The following ACO1 variants were observed in gnomAD, a reference collection of about 807,000 sequenced individuals.
ACO1 encodes aconitase 1.
ACO1 carries 78 observed loss-of-function variants against 105.1 expected under a neutral mutation model. The observed-to-expected ratio is 0.74, with a 90% CI of 0.62 to 0.90. The LOEUF is 0.90. Ranked by LOEUF, ACO1 falls within the 40% of genes least tolerant of loss-of-function variation. The probability of loss-of-function intolerance (pLI) is 0.00; values close to 1 mark genes in which losing one functional copy is unlikely to be tolerated. For synonymous variants in ACO1, 364 were observed against 397.4 expected (o/e 0.92, Z 1.00); for missense variants, 965 against 1,111.1 (o/e 0.87, Z 1.87).
intron 4 of ACO1, among the ~76,000 whole-genome samples, chr9:32,410,020 A>G (rs1821702102): frequency 6.6e-6 from 1 of 152,174 alleles, no homozygotes. Flanking sequence ...TGAGGTTAGG[A>G]GCCAAGTAGT....
Position 32,430,453 on chromosome 9 carries a change from C to T in ACO1, c.1605C>T (p.Asn535=). The change falls in exon 14 of 21, where the codon AAC becomes AAT. Residue 535 remains asparagine (N), a synonymous_variant. Coordinates refer to ENST00000309951, the MANE Select transcript of ACO1 (RefSeq NM_002197.3). The part of the protein sequence containing the change: ...DLVAVGVLSG[N]RNFEGRVHPN... ...TAGCTGTTGGAGTACTATCTGGAAA[C>T]AGGAATTTTGAAGGTCGAGTTCACC... is the stretch of plus-strand genomic sequence containing the variant. 6 of 1,612,152 alleles carry T rather than the reference C, an allele frequency of 3.7e-6. No individual in the cohort carries two copies. Among genetic ancestry groups the T allele is most frequent in the Non-Finnish European group, 5.1e-6 (6 of 1,179,338 alleles).
chr9:32,440,375 C>A, intron 18 of ACO1, 90 bp from the exon 19 acceptor site: 1 of 1,511,612 alleles, frequency 6.6e-7, no homozygotes, highest in Non-Finnish European at 9.0e-7. Context: ...TCTGCAAACC[C>A]ATCCAGCCCC....
intron 1 of ACO1, among the ~76,000 whole-genome samples, chr9:32,393,165 G>T (rs187306993): frequency 2.6e-5 from 4 of 152,112 alleles, no homozygotes; most frequent in African/African-American, 7.2e-5. Context: ...CCGGTGAGCC[G>T]GGGGGGAAAC....
chr9:32,445,047 G>C (rs180931791), intron 19 of ACO1, among the ~76,000 whole-genome samples: 1 of 152,208 alleles, frequency 6.6e-6, no homozygotes, highest in Non-Finnish European at 1.5e-5. Flanking sequence ...TTGCATCGAT[G>C]TTCATCAGGG....
rs1822743759 is a variant in ACO1 at position 32,450,631 on chromosome 9, T to G, written c.*520T>G. ...GATTCTCTCTTCTCTCCCCTTTTCC[T>G]TCAGAGTGAATCATCCAGACTCCTC... On this transcript the variant is annotated 3_prime_UTR_variant, in exon 21 of 21. Transcript: ENST00000309951. 6.1e-6 allele frequency: 1 copy of G among 162,698 alleles called. No homozygotes were observed. The highest frequency in any genetic ancestry group is 6.2e-5 in the Admixed American group (1 of 16,222). The allele number at this position is 162,698 out of a possible 1,614,324, so 10.1% of individuals were successfully genotyped here.
chr9:32,440,641 C>G (rs1049042197), intron 19 of ACO1, 54 bp downstream of exon 19: 5 of 1,583,634 alleles, frequency 3.2e-6, no homozygotes, highest in South Asian at 1.1e-5. Flanking sequence ...CTGGGAGGGT[C>G]CCCAGGCACA....
At chr9:32,418,812 G>A (rs1253247217) in intron 6 of ACO1, among the ~76,000 whole-genome samples, 1 of 152,168 alleles carries the variant, frequency 6.6e-6, no homozygotes, top group Non-Finnish European at 1.5e-5. Context: ...GTGGCATCAA[G>A]GGGATTTTGA....
intron 12 of ACO1, among the ~76,000 whole-genome samples, 160 bp from the exon 13 acceptor site, chr9:32,429,259 G>A (rs115312607): frequency 0.023 from 3,438 of 152,234 alleles, 137 homozygotes; most frequent in African/African-American, 0.078. Flanking sequence ...ATATCAGAAT[G>A]CTCTCAAGAA....
rs553417147 is a variant in ACO1, at chr9:32,384,705, C to T, written c.-53C>T. On this transcript the variant is annotated 5_prime_UTR_variant, in exon 1 of 21. Transcript: ENST00000309951. ...GTCCCGCTGCTTGGGTCAGGTTCGCCGGTCGCGGGAGCCCCGCCGTGCAGT... is the reference window on the plus strand; with the variant it reads ...GTCCCGCTGCTTGGGTCAGGTTCGCTGGTCGCGGGAGCCCCGCCGTGCAGT... The T allele has an allele frequency of 9.7e-6, 4 of 413,998 alleles. No individual in the cohort carries two copies. The highest frequency in any genetic ancestry group is 4.3e-5 in the African/African-American group (2 of 46,110). 25.6% of individuals were successfully genotyped at this position (413,998 alleles called of 1,614,324 possible).
Position 32,433,803 on chromosome 9 carries a change from A to G in ACO1, c.1927A>G (p.Ile643Val). 6.2e-7 allele frequency: 1 copy of G among 1,612,094 alleles called. No individual in the cohort carries two copies. The highest frequency in any genetic ancestry group is 8.5e-7 in the Non-Finnish European group (1 of 1,179,502). Residue 643 changes from isoleucine (I) to valine (V), a missense_variant, in exon 16 of 21, where the codon ATC becomes GTC. By Grantham distance (29) the Ile-to-Val change is conservative. Transcript: ENST00000309951. ...TTTCTGGAATTCCAAATCTACGTATATCAAATCACCACCATTCTTTGAAAA... is the reference window on the plus strand; with the variant it reads ...TTTCTGGAATTCCAAATCTACGTATGTCAAATCACCACCATTCTTTGAAAA... ...LFFWNSKSTY[I>V]KSPPFFENLT...
intron 4 of ACO1, among the ~76,000 whole-genome samples, chr9:32,413,222 G>A (rs772068101): frequency 3.9e-5 from 6 of 151,994 alleles, no homozygotes; most frequent in African/African-American, 1.2e-4. Context: ...GCGGTGGCTC[G>A]CCCCTGTAAT....
chr9:32,400,951 T>G (rs867972312), intron 1 of ACO1, among the ~76,000 whole-genome samples: 2,256 of 152,046 alleles, frequency 0.015, 65 homozygotes, highest in African/African-American at 0.05. Context: ...CTTGAAGTTT[T>G]TTTTTTTTTT....
intron 1 of ACO1, among the ~76,000 whole-genome samples, chr9:32,391,988 G>A (rs1181486124): frequency 6.6e-6 from 1 of 152,154 alleles, no homozygotes; most frequent in Non-Finnish European, 1.5e-5. Context: ...CAGTCTAAGT[G>A]CTAATAATGC....
rs59167637 is a variant in ACO1, at chr9:32,450,427, A to G, written c.*316A>G. 0.011 allele frequency: 4,345 copies of G among 388,422 alleles called. 105 individuals carry two copies. The highest frequency in any genetic ancestry group is 0.068 in the African/African-American group (3,286 of 48,128). 24.1% of individuals were successfully genotyped at this position (388,422 alleles called of 1,614,324 possible). On this transcript the variant is annotated 3_prime_UTR_variant, in exon 21 of 21. Coordinates refer to ENST00000309951, the MANE Select transcript of ACO1 (RefSeq NM_002197.3). ...GGACGTTGCTTTTTCACTGTTTCCTATTAATCTTCAGCTGAACACAAGCAA... is the reference window on the plus strand; with the variant it reads ...GGACGTTGCTTTTTCACTGTTTCCTGTTAATCTTCAGCTGAACACAAGCAA...
At chr9:32,390,912 C>T (rs1260265341) in intron 1 of ACO1, among the ~76,000 whole-genome samples, 8 of 152,184 alleles carry the variant, frequency 5.3e-5, no homozygotes, top group Non-Finnish European at 1.2e-4. Context: ...TCACCTCCCC[C>T]CACCAGGCGA....
At chr9:32,406,532 A>T (rs1256797538) in intron 2 of ACO1, among the ~76,000 whole-genome samples, 1 of 152,200 alleles carries the variant, frequency 6.6e-6, no homozygotes, top group African/African-American at 2.4e-5. Flanking sequence ...CTGAGGTGGG[A>T]GAATCACTTG....
rs138275139 is a variant in ACO1, at chr9:32,423,321, C to T, written c.973C>T (p.Arg325Cys). 129 of 1,574,728 alleles carry T rather than the reference C, an allele frequency of 8.2e-5. No individual in the cohort carries two copies. Among genetic ancestry groups the T allele is most frequent in the Non-Finnish European group, 1.1e-4 (124 of 1,160,006 alleles). The change falls in exon 9 of 21, where the codon CGT (arginine) becomes TGT (cysteine). Residue 325 changes from arginine to cysteine, a missense_variant and splice_region_variant. Coordinates refer to ENST00000309951, the MANE Select transcript of ACO1 (RefSeq NM_002197.3). Reference sequence around the variant, plus strand: ...TTACTCCTTAAAATGCCTTTTAGGTCGTGATGAAGAAAAATTAAAGTATAT... The same window carrying T: ...TTACTCCTTAAAATGCCTTTTAGGTTGTGATGAAGAAAAATTAAAGTATAT... ...VSITYLVQTG[R>C]DEEKLKYIKK... is the part of the protein sequence containing the mutation.
chr9:32,407,331 G>T lies in ACO1; in HGVS notation c.168G>T (p.Lys56Asn). ...AIRNCDEFLV[K>N]KQDIENILHW... ...GGAATTGTGATGAGTTTTTGGTGAA[G>T]AAACAGGATATTGAAAATATTCTAC... Residue 56 changes from lysine (K) to asparagine (N), a missense_variant, in exon 3 of 21, where the codon AAG (lysine) becomes AAT (asparagine). Transcript: ENST00000309951. 2 of 1,614,116 alleles carry T rather than the reference G, an allele frequency of 1.2e-6. No homozygotes were observed. The highest frequency in any genetic ancestry group is 1.7e-6 in the Non-Finnish European group (2 of 1,180,010).
At chr9:32,422,914 C>T (rs181536686) in intron 8 of ACO1, among the ~76,000 whole-genome samples, 4 of 152,250 alleles carry the variant, frequency 2.6e-5, no homozygotes, top group East Asian at 1.9e-4. Context: ...GGTTGGGATG[C>T]GTTTTAATTT....
Sources: allele counts gnomAD v4.1 joint callset (sites outside exome capture counted in the v4.1 genomes callset), GRCh38; gene constraint gnomAD v4.1.1; transcripts MANE v1.5; gene names NCBI Gene and HGNC (gene_info 2026-07-23, HGNC 2026-07-21).